The following LOXL2 variants were observed in gnomAD, a reference collection of about 807,000 sequenced individuals.
LOXL2 encodes the protein lysyl oxidase homolog 2.
In LOXL2, 70 loss-of-function variants were observed where a neutral mutation model predicts 93.0. The observed-to-expected ratio is 0.75, with a 90% CI of 0.62 to 0.92. LOXL2 has a LOEUF of 0.92. LOXL2 is among the 40% of genes least tolerant of loss of function. The pLI is 0.00. For synonymous variants in LOXL2, 438 were observed against 413.2 expected, an observed-to-expected ratio of 1.06 and a Z score of -0.73; for missense variants, 973 against 1,054.9, an observed-to-expected ratio of 0.92 and a Z score of 1.08.
Position 23,297,722 on chromosome 8 carries a change from C to CGGCGTATCA in LOXL2, c.*320_*321insTGATACGCC. On this transcript the variant is annotated 3_prime_UTR_variant, in exon 14 of 14. Coordinates refer to ENST00000389131, the MANE Select transcript of LOXL2 (RefSeq NM_002318.3). ...ACTGTGTCTGTGGTGAGCTCGGTGG[C>CGGCGTATCA]TTGAATGGGACAAGCTGATGACAAC... 4.7e-5 allele frequency: 10 copies of CGGCGTATCA among 211,628 alleles called. No individual in the cohort carries two copies. Among genetic ancestry groups the CGGCGTATCA allele is most frequent in the South Asian group, 2.5e-4 (2 of 7,928 alleles). The allele number at this position is 211,628 out of a possible 1,614,324, so 13.1% of individuals were successfully genotyped here. A position where few individuals can be genotyped will look rare whatever the true frequency, so the allele number is the denominator to read the frequency against.
chr8:23,306,664 C>T (rs2117143251), intron 10 of LOXL2, among the ~76,000 whole-genome samples: 2 of 152,358 alleles, frequency 1.3e-5, no homozygotes, highest in East Asian at 3.9e-4. Flanking sequence ...CAATGCCATC[C>T]CTGACCCGGA....
chr8:23,368,049 G>A lies in LOXL2; in HGVS notation c.303C>T (p.Gly101=). The change falls in exon 2 of 14, where the codon GGC becomes GGT. Residue 101 remains glycine, a synonymous_variant. Transcript: ENST00000389131. ...HAAHVVCREL[G]YVEAKSWTAS... is the part of the protein sequence containing the mutation. ...CAGTCCAGGACTTGGCCTCCACGTA[G>A]CCCAGCTCCCGGCAGACGACGTGGG... 1 of 1,613,974 alleles carries A rather than the reference G, an allele frequency of 6.2e-7. No homozygotes were observed. Among genetic ancestry groups the A allele is most frequent in the Non-Finnish European group, 8.5e-7 (1 of 1,180,038 alleles).
intron 1 of LOXL2, among the ~76,000 whole-genome samples, chr8:23,396,653 C>A (rs1422764674): frequency 6.6e-6 from 1 of 152,170 alleles, no homozygotes; most frequent in Non-Finnish European, 1.5e-5. Context: ...TATAAACTGA[C>A]TCTTTCAAAT....
intron 8 of LOXL2, among the ~76,000 whole-genome samples, chr8:23,318,862 C>G (rs1803448148): frequency 6.6e-6 from 1 of 152,240 alleles, no homozygotes; most frequent in South Asian, 2.1e-4. Context: ...TGAGGAGCCA[C>G]AGGGCAGGGG....
intron 9 of LOXL2, 36 bp from the exon 10 acceptor site, chr8:23,309,947 G>A: frequency 7.0e-7 from 1 of 1,428,782 alleles, no homozygotes; most frequent in Non-Finnish European, 9.2e-7. Context: ...CAAGGCAAGA[G>A]ACCCCTCCCC....
intron 4 of LOXL2, among the ~76,000 whole-genome samples, chr8:23,334,948 C>T (rs1480563623): frequency 6.6e-6 from 1 of 151,964 alleles, no homozygotes; most frequent in Non-Finnish European, 1.5e-5. Context: ...TCCCGTGTAG[C>T]TGGGATTACA....
Position 23,338,470 on chromosome 8 carries a change from G to A in LOXL2, c.743+2522C>T, listed in dbSNP as rs369834952. ...TCGGGGGTTAAGCAGGTGAGCTTCC[G>A]AGGCTATAAGGTCCTTCACGGGCCT... On this transcript the variant is annotated intron_variant, in intron 4 of 13. Transcript: ENST00000389131. 2.0e-5 allele frequency among the ~76,000 whole-genome samples: 3 copies of A among 152,196 alleles called. No homozygotes were observed. The South Asian group carries it at 6.2e-4, about 31-fold the overall frequency.
Position 23,328,504 on chromosome 8 carries a change from T to C in LOXL2, c.1028A>G (p.Lys343Arg), listed in dbSNP as rs775190773. 3.1e-6 allele frequency: 5 copies of C among 1,614,100 alleles called. No homozygotes were observed. The highest frequency in any genetic ancestry group is 4.5e-5 in the East Asian group (2 of 44,864). The stretch of plus-strand genomic sequence containing the variant: ...GCAGACGGTCCCCCATTCTCCATTT[T>C]TGAGCACCTCCACGCGGCCCTCCCC... ...YIGEGRVEVL[K>R]NGEWGTVCDD... Residue 343 changes from lysine (K) to arginine (R), a missense_variant, in exon 6 of 14, where the codon AAA (lysine) becomes AGA (arginine). Transcript: ENST00000389131.
intron 6 of LOXL2, among the ~76,000 whole-genome samples, chr8:23,326,302 GAAATGA>G (rs1209427382): frequency 3.3e-5 from 5 of 152,202 alleles, no homozygotes; most frequent in Non-Finnish European, 7.3e-5. Flanking sequence ...TCTGGGCAGT[GAAATGA>G]TTAGGTCACA....
intron 3 of LOXL2, among the ~76,000 whole-genome samples, chr8:23,357,156 G>A (rs539734974): frequency 1.6e-4 from 24 of 151,212 alleles, no homozygotes; most frequent in African/African-American, 5.3e-4. Flanking sequence ...TGCAACCTCC[G>A]CCTCCCAGGT....
chr8:23,383,930 G>A (rs888423997), intron 1 of LOXL2, among the ~76,000 whole-genome samples: 2 of 152,108 alleles, frequency 1.3e-5, no homozygotes, highest in African/African-American at 4.8e-5. Flanking sequence ...AAAGTGCTGG[G>A]ATTACAGGCG....
At chr8:23,333,333 C>T (rs1803735698) in intron 5 of LOXL2, 68 bp downstream of exon 5, 1 of 1,419,544 alleles carries the variant, frequency 7.0e-7, no homozygotes, top group Non-Finnish European at 9.9e-7. Flanking sequence ...GGGGATCCTG[C>T]CTACTCCCTC....
chr8:23,387,601 G>A (rs73226420), intron 1 of LOXL2, among the ~76,000 whole-genome samples: 18,494 of 152,200 alleles, frequency 0.12, 1,391 homozygotes, highest in Admixed American at 0.17. Flanking sequence ...GGCCCACTTA[G>A]ATTTTTCTAA....
intron 1 of LOXL2, among the ~76,000 whole-genome samples, chr8:23,381,808 G>C (rs1351945730): frequency 6.6e-6 from 1 of 152,228 alleles, no homozygotes; most frequent in Non-Finnish European, 1.5e-5. Flanking sequence ...AGGCTCCATG[G>C]GCACCAATGT....
intron 1 of LOXL2, among the ~76,000 whole-genome samples, chr8:23,378,625 G>T (rs1804627651): frequency 6.6e-6 from 1 of 152,170 alleles, no homozygotes; most frequent in African/African-American, 2.4e-5. Context: ...ATTTCTTGGA[G>T]GCTTTGTTCG....
intron 12 of LOXL2, among the ~76,000 whole-genome samples, chr8:23,299,802 G>T (rs903841164): frequency 2.6e-5 from 4 of 152,210 alleles, no homozygotes; most frequent in Non-Finnish European, 4.4e-5. Flanking sequence ...CTCTAAATTT[G>T]GGGCCCCAGA....
At position 23,328,296 on chromosome 8, in the gene LOXL2, C is replaced by T. The variant is rs577219518; in HGVS notation, c.1150+86G>A. 8.0e-5 allele frequency: 115 copies of T among 1,441,548 alleles called. 2 individuals carry two copies. The highest frequency in any genetic ancestry group is 3.6e-4 in the South Asian group (30 of 82,864). The allele number at this position is 1,441,548 out of a possible 1,614,324, so 89.3% of individuals were successfully genotyped here. ...GGGAGGAGGGAAAGTGAGGATTTCCCGAGAGCTCACGGCCAGCAGCCAGGC... is the reference window on the plus strand; with the variant it reads ...GGGAGGAGGGAAAGTGAGGATTTCCTGAGAGCTCACGGCCAGCAGCCAGGC... On this transcript the variant is annotated intron_variant, in intron 6 of 13. Coordinates refer to ENST00000389131, the MANE Select transcript of LOXL2 (RefSeq NM_002318.3).
intron 3 of LOXL2, among the ~76,000 whole-genome samples, chr8:23,358,970 T>G (rs1804243675): frequency 1.3e-5 from 2 of 151,836 alleles, no homozygotes; most frequent in African/African-American, 4.8e-5. Context: ...GCCTCCTGAG[T>G]AGCTGGGACT....
intron 9 of LOXL2, among the ~76,000 whole-genome samples, chr8:23,311,773 C>G (rs1041351603): frequency 6.6e-6 from 1 of 152,188 alleles, no homozygotes. Flanking sequence ...CCTAGACTAA[C>G]AAGAGACAGA....
Sources: gnomAD v4.1 joint callset for allele counts (sites outside exome capture counted in the v4.1 genomes callset) on GRCh38, gnomAD v4.1.1 for gene constraint, MANE v1.5 for transcripts, NCBI Gene and HGNC (gene_info 2026-07-23, HGNC 2026-07-21) for gene names.